The following PTF1A variants were observed in gnomAD, a reference collection of about 807,000 sequenced individuals.
PTF1A encodes pancreas transcription factor 1 subunit alpha.
Under a neutral mutation model 22.6 loss-of-function variants are expected in PTF1A, and 18 were observed. The ratio of observed to expected loss-of-function variants is 0.80; its 90% CI spans 0.55 to 1.18. PTF1A has a LOEUF of 1.18. Among genes scored for constraint, PTF1A ranks in the 50% most tolerant of loss-of-function variants. The pLI is 0.00. For missense variants in PTF1A, 477 were observed against 473.0 expected, an observed-to-expected ratio of 1.01 and a Z score of -0.08; for synonymous variants, 259 against 227.9, an observed-to-expected ratio of 1.14 and a Z score of -1.23.
In PTF1A at chr10:23,193,331, C is replaced by A; in HGVS notation, c.784+17C>A. ...GGGGCACCCGTAAGTGCTTCCGCTT[C>A]CCAGCTCAGGGAGAAGGGGTCGGGC... On this transcript the variant is annotated intron_variant, in intron 1 of 1. Coordinates refer to ENST00000376504, the MANE Select transcript of PTF1A (RefSeq NM_178161.3). The A allele has an allele frequency of 7.3e-7, 1 of 1,377,526 alleles. No homozygotes were observed. The highest frequency in any genetic ancestry group is 2.2e-5 in the South Asian group (1 of 45,060). 85.3% of individuals were successfully genotyped at this position (1,377,526 alleles called of 1,614,324 possible).
chr10:23,193,047 C>A lies in PTF1A; in HGVS notation c.517C>A (p.Arg173=). 2 of 1,325,136 alleles carry A rather than the reference C, an allele frequency of 1.5e-6. No individual in the cohort carries two copies. Among genetic ancestry groups the A allele is most frequent in the Non-Finnish European group, 2.0e-6 (2 of 1,025,054 alleles). 82.1% of individuals were successfully genotyped at this position (1,325,136 alleles called of 1,614,324 possible). A position where few individuals can be genotyped will look rare whatever the true frequency, so the allele number is the denominator to read the frequency against. ...GCGGCAGGCGGCCAACGTGCGCGAG[C>A]GGCGGCGCATGCAGTCCATCAACGA... ...QLRQAANVRE[R]RRMQSINDAF... Residue 173 remains arginine (R), a synonymous_variant, in exon 1 of 2, where the codon CGG becomes AGG. Transcript: ENST00000376504.
At position 23,192,916 on chromosome 10, in the gene PTF1A, C is replaced by A. The variant is rs370163562; in HGVS notation, c.386C>A (p.Ala129Glu). ...TGCCTGGCCTACCCGTGCGCCGGGG[C>A]GGCAGTACTGTCTCCCGGGGCGCGG... The part of the protein sequence containing the change: ...PSCLAYPCAG[A>E]AVLSPGARLR... The change falls in exon 1 of 2, where the codon GCG (alanine) becomes GAG (glutamate). Residue 129 changes from alanine (A) to glutamate (E), a missense_variant. Physicochemically the swap from Ala to Glu is moderately radical, Grantham distance 107. Transcript: ENST00000376504. 1 of 1,242,348 alleles carries A rather than the reference C, an allele frequency of 8.0e-7. No homozygotes were observed. The highest frequency in any genetic ancestry group is 1.0e-6 in the Non-Finnish European group (1 of 990,924). The allele number at this position is 1,242,348 out of a possible 1,614,324, so 77.0% of individuals were successfully genotyped here.
At chr10:23,193,480 T>TTTA in intron 1 of PTF1A, 166 bp downstream of exon 1, 2 of 771,210 alleles carry the variant, frequency 2.6e-6, no homozygotes, top group Non-Finnish European at 3.9e-6. Context: ...TTTTTTTTTT[T>TTTA]ATTTTTCTGC....
Position 23,194,012 on chromosome 10 carries a change from A to T in PTF1A, c.*106A>T. On this transcript the variant is annotated 3_prime_UTR_variant, in exon 2 of 2. Transcript: ENST00000376504. ...TAAGAATCAAATTTTTCGAATGGCAATCAACTGTTTATTATTTATCTATTT... is the reference window on the plus strand; with the variant it reads ...TAAGAATCAAATTTTTCGAATGGCATTCAACTGTTTATTATTTATCTATTT... The T allele has an allele frequency of 1.2e-6, 1 of 859,734 alleles. No individual in the cohort carries two copies. Among genetic ancestry groups the T allele is most frequent in the Non-Finnish European group, 2.0e-6 (1 of 507,862 alleles). The allele number at this position is 859,734 out of a possible 1,614,324, so 53.3% of individuals were successfully genotyped here.
chr10:23,192,460 C>A lies in PTF1A; in HGVS notation c.-71C>A. The A allele has an allele frequency of 6.4e-7, 1 of 1,574,694 alleles. No homozygotes were observed. Among genetic ancestry groups the A allele is most frequent in the Non-Finnish European group, 8.6e-7 (1 of 1,168,522 alleles). ...GGGCCCCGGGAGGGAGGGGCTCGGA[C>A]GGGCCTTAGAAACTCACCAAGAACT... On this transcript the variant is annotated 5_prime_UTR_variant, in exon 1 of 2. Coordinates refer to ENST00000376504, the MANE Select transcript of PTF1A (RefSeq NM_178161.3).
Position 23,193,197 on chromosome 10 carries a change from C to T in PTF1A, c.667C>T (p.Leu223=). The change falls in exon 1 of 2, where the codon CTG becomes TTG. Residue 223 remains leucine (L), a synonymous_variant. Transcript: ENST00000376504. ...CCTCAGCGAGCTCGTGCAGGCCGAC[C>T]TGCCCTTGCGCGGCGGTGGCGCGGG... is the stretch of plus-strand genomic sequence containing the variant. ...NFLSELVQAD[L]PLRGGGAGGC... The T allele has an allele frequency of 7.4e-7, 1 of 1,354,198 alleles. No homozygotes were observed. Among genetic ancestry groups the T allele is most frequent in the African/African-American group, 1.5e-5 (1 of 66,256 alleles). The allele number at this position is 1,354,198 out of a possible 1,614,324, so 83.9% of individuals were successfully genotyped here.
chr10:23,193,396 A>C (rs578226119), intron 1 of PTF1A, 82 bp downstream of exon 1: 1 of 1,334,732 alleles, frequency 7.5e-7, no homozygotes, highest in South Asian at 1.6e-5. Context: ...CTGACTGCCA[A>C]GCAGACAGTC....
chr10:23,193,228 G>T lies in PTF1A; in HGVS notation c.698G>T (p.Cys233Phe), dbSNP rs1230181211. The T allele has an allele frequency of 3.8e-6, 5 of 1,300,084 alleles. No homozygotes were observed. In the South Asian group the frequency reaches 9.9e-5, roughly 26 times the overall value. 80.5% of individuals were successfully genotyped at this position (1,300,084 alleles called of 1,614,324 possible). Residue 233 changes from cysteine to phenylalanine, a missense_variant, in exon 1 of 2, where the codon TGC becomes TTC. Coordinates refer to ENST00000376504, the MANE Select transcript of PTF1A (RefSeq NM_178161.3). ...LPLRGGGAGGCGGPGGGGRLG... is the reference protein window; with the variant it reads ...LPLRGGGAGGFGGPGGGGRLG... ...TTGCGCGGCGGTGGCGCGGGCGGCT[G>T]CGGGGGGCCGGGCGGCGGCGGGCGC...
Position 23,193,743 on chromosome 10 carries a change from C to T in PTF1A, c.824C>T (p.Pro275Leu), listed in dbSNP as rs1038493023. The T allele has an allele frequency of 4.3e-6, 7 of 1,613,576 alleles. No homozygotes were observed. The highest frequency in any genetic ancestry group is 3.3e-5 in the Admixed American group (2 of 60,004). Residue 275 changes from proline to leucine, a missense_variant, in exon 2 of 2, where the codon CCC becomes CTC. By Grantham distance (98) the Pro-to-Leu change is moderately conservative. Transcript: ENST00000376504. Reference sequence around the variant, plus strand: ...AGCGACCCTGATTATGGCCTCCCTCCCCTAGCAGGACACTCTCTCTCATGG... The same window carrying T: ...AGCGACCCTGATTATGGCCTCCCTCTCCTAGCAGGACACTCTCTCTCATGG... Reference protein sequence around the residue: ...SPSDPDYGLPPLAGHSLSWTD... With the variant: ...SPSDPDYGLPLLAGHSLSWTD...
rs1374178925 is a variant in PTF1A, at chr10:23,193,980, T to C, written c.*74T>C. On this transcript the variant is annotated 3_prime_UTR_variant, in exon 2 of 2. Coordinates refer to ENST00000376504, the MANE Select transcript of PTF1A (RefSeq NM_178161.3). ...TACATGTAAATATCTATAATGTAAATGTAATTTAAGAATCAAATTTTTCGA... is the reference window on the plus strand; with the variant it reads ...TACATGTAAATATCTATAATGTAAACGTAATTTAAGAATCAAATTTTTCGA... The C allele has an allele frequency of 8.0e-7, 1 of 1,243,202 alleles. No individual in the cohort carries two copies. Among genetic ancestry groups the C allele is most frequent in the African/African-American group, 1.5e-5 (1 of 67,228 alleles). The allele number at this position is 1,243,202 out of a possible 1,614,324, so 77.0% of individuals were successfully genotyped here.
Position 23,192,716 on chromosome 10 carries a change from C to G in PTF1A, c.186C>G (p.Tyr62Ter), listed in dbSNP as rs142955321. 5 of 1,556,856 alleles carry G rather than the reference C, an allele frequency of 3.2e-6. No homozygotes were observed. The highest frequency in any genetic ancestry group is 4.3e-6 in the Non-Finnish European group (5 of 1,156,900). Residue 62 changes from tyrosine to a stop codon, truncating the protein, a stop_gained, in exon 1 of 2, where the codon TAC becomes TAG. Transcript: ENST00000376504. LOFTEE classifies it high-confidence loss of function. ...GCCACCAGCTCCACGAGTACTGCTA[C>G]CGCGACGGGGCGTGCCTGCTGCTGC... The part of the protein sequence containing the change: ...FLSHQLHEYC[Y>*]RDGACLLLQP...
chr10:23,194,070 TC>T lies in PTF1A; in HGVS notation c.*165del. On this transcript the variant is annotated 3_prime_UTR_variant, in exon 2 of 2. Coordinates refer to ENST00000376504, the MANE Select transcript of PTF1A (RefSeq NM_178161.3). ...TGTTGAGTTGATGAAATAGATGATT[TC>T]TTTTTAAATATATAATTTATATAAC... The T allele has an allele frequency of 1.6e-6, 1 of 612,130 alleles. No homozygotes were observed. The highest frequency in any genetic ancestry group is 2.9e-6 in the Non-Finnish European group (1 of 344,746). The allele number at this position is 612,130 out of a possible 1,614,324, so 37.9% of individuals were successfully genotyped here.
Position 23,192,869 on chromosome 10 carries a change from C to G in PTF1A, c.339C>G (p.Tyr113Ter). 7.6e-7 allele frequency: 1 copy of G among 1,316,030 alleles called. No individual in the cohort carries two copies. Among genetic ancestry groups the G allele is most frequent in the Non-Finnish European group, 9.7e-7 (1 of 1,030,406 alleles). 81.5% of individuals were successfully genotyped at this position (1,316,030 alleles called of 1,614,324 possible). A position where few individuals can be genotyped will look rare whatever the true frequency, so the allele number is the denominator to read the frequency against. ...ETGAPPGGFP[Y>*]SPGSPPSCLA... ...GGGCGCCCCCAGGCGGCTTCCCCTA[C>G]TCGCCCGGCTCGCCGCCCTCGTGCC... The change falls in exon 1 of 2, where the codon TAC becomes TAG. Residue 113 changes from tyrosine to a stop codon, truncating the protein, a stop_gained. Coordinates refer to ENST00000376504, the MANE Select transcript of PTF1A (RefSeq NM_178161.3). LOFTEE classifies it high-confidence loss of function.
Position 23,192,917 on chromosome 10 carries a change from G to C in PTF1A, c.387G>C (p.Ala129=). Reference sequence around the variant, plus strand: ...GCCTGGCCTACCCGTGCGCCGGGGCGGCAGTACTGTCTCCCGGGGCGCGGC... The same window carrying C: ...GCCTGGCCTACCCGTGCGCCGGGGCCGCAGTACTGTCTCCCGGGGCGCGGC... ...PSCLAYPCAG[A]AVLSPGARLR... The change falls in exon 1 of 2, where the codon GCG becomes GCC. Residue 129 remains alanine, a synonymous_variant. Coordinates refer to ENST00000376504, the MANE Select transcript of PTF1A (RefSeq NM_178161.3). 8.1e-7 allele frequency: 1 copy of C among 1,237,648 alleles called. No homozygotes were observed. Among genetic ancestry groups the C allele is most frequent in the Non-Finnish European group, 1.0e-6 (1 of 988,488 alleles). The allele number at this position is 1,237,648 out of a possible 1,614,324, so 76.7% of individuals were successfully genotyped here.
Position 23,193,971 on chromosome 10 carries a change from T to A in PTF1A, c.*65T>A. ...TGCATATTGTACATGTAAATATCTATAATGTAAATGTAATTTAAGAATCAA... is the reference window on the plus strand; with the variant it reads ...TGCATATTGTACATGTAAATATCTAAAATGTAAATGTAATTTAAGAATCAA... On this transcript the variant is annotated 3_prime_UTR_variant, in exon 2 of 2. Transcript: ENST00000376504. The A allele has an allele frequency of 7.9e-7, 1 of 1,259,696 alleles. No homozygotes were observed. The allele number at this position is 1,259,696 out of a possible 1,614,324, so 78.0% of individuals were successfully genotyped here. A position where few individuals can be genotyped will look rare whatever the true frequency, so the allele number is the denominator to read the frequency against.
chr10:23,194,011 A>T lies in PTF1A; in HGVS notation c.*105A>T. 1 of 867,618 alleles carries T rather than the reference A, an allele frequency of 1.2e-6. No homozygotes were observed. The highest frequency in any genetic ancestry group is 1.4e-5 in the South Asian group (1 of 72,432). The allele number at this position is 867,618 out of a possible 1,614,324, so 53.7% of individuals were successfully genotyped here. A position where few individuals can be genotyped will look rare whatever the true frequency, so the allele number is the denominator to read the frequency against. On this transcript the variant is annotated 3_prime_UTR_variant, in exon 2 of 2. Coordinates refer to ENST00000376504, the MANE Select transcript of PTF1A (RefSeq NM_178161.3). ...TTAAGAATCAAATTTTTCGAATGGCAATCAACTGTTTATTATTTATCTATT... is the reference window on the plus strand; with the variant it reads ...TTAAGAATCAAATTTTTCGAATGGCTATCAACTGTTTATTATTTATCTATT...
rs1840910466 is a variant in PTF1A, at chr10:23,192,873, C to T, written c.343C>T (p.Pro115Ser). ...GAPPGGFPYS[P>S]GSPPSCLAYP... The stretch of plus-strand genomic sequence containing the variant: ...GCCCCCAGGCGGCTTCCCCTACTCG[C>T]CCGGCTCGCCGCCCTCGTGCCTGGC... The change falls in exon 1 of 2, where the codon CCC becomes TCC. Residue 115 changes from proline to serine, a missense_variant. By Grantham distance (74) the Pro-to-Ser change is moderately conservative (BLOSUM62 -1). Transcript: ENST00000376504. 2.3e-6 allele frequency: 3 copies of T among 1,315,770 alleles called. No homozygotes were observed. Among genetic ancestry groups the T allele is most frequent in the African/African-American group, 3.1e-5 (2 of 65,352 alleles). The allele number at this position is 1,315,770 out of a possible 1,614,324, so 81.5% of individuals were successfully genotyped here. A position where few individuals can be genotyped will look rare whatever the true frequency, so the allele number is the denominator to read the frequency against.
At chr10:23,193,608 C>A in intron 1 of PTF1A, 96 bp from the exon 2 acceptor site, 1 of 952,748 alleles carries the variant, frequency 1.0e-6, no homozygotes, top group Non-Finnish European at 1.7e-6. Context: ...CTAGTATAAC[C>A]GGAGAGCACC....
Position 23,193,296 on chromosome 10 carries a change from A to C in PTF1A, c.766A>C (p.Ile256Leu). 1 of 1,279,730 alleles carries C rather than the reference A, an allele frequency of 7.8e-7. No homozygotes were observed. The highest frequency in any genetic ancestry group is 9.8e-7 in the Non-Finnish European group (1 of 1,022,906). 79.3% of individuals were successfully genotyped at this position (1,279,730 alleles called of 1,614,324 possible). A position where few individuals can be genotyped will look rare whatever the true frequency, so the allele number is the denominator to read the frequency against. ...SPGSQAQKVI[I>L]CHRGTRSPSP... is the part of the protein sequence containing the mutation. ...GGGCAGCCAGGCCCAGAAGGTCATC[A>C]TCTGCCATCGGGGCACCCGTAAGTG... The change falls in exon 1 of 2, where the codon ATC becomes CTC. Residue 256 changes from isoleucine (I) to leucine (L), a missense_variant. Ile to Leu is a conservative substitution (Grantham distance 5). Transcript: ENST00000376504.
Sources: gnomAD v4.1 joint callset for allele counts on GRCh38, gnomAD v4.1.1 for gene constraint, MANE v1.5 for transcripts, NCBI Gene and HGNC (gene_info 2026-07-23, HGNC 2026-07-21) for gene names.